The following PROM2 variants were observed in gnomAD, a reference collection of about 807,000 sequenced individuals.
PROM2 encodes the protein prominin-2.
PROM2 carries 90 observed loss-of-function variants against 110.2 expected under a neutral mutation model. That is an observed-to-expected ratio of 0.82 (90% CI 0.69 to 0.97). The LOEUF is 0.97. Among genes scored for constraint, PROM2 ranks in the 50% least tolerant of loss-of-function variants. The pLI is 0.00. For missense variants in PROM2, 1,009 were observed against 1,074.8 expected (o/e 0.94, Z 0.86); for synonymous variants, 470 against 467.8 (o/e 1.00, Z -0.06).
chr2:95,285,197 C>A (rs1402659981), intron 15 of PROM2, 82 bp downstream of exon 15: 8 of 1,397,764 alleles, frequency 5.7e-6, no homozygotes, highest in Middle Eastern at 2.6e-4. Context: ...GGGTGTGCAT[C>A]TTGCCTTGTC....
chr2:95,285,028 C>T lies in PROM2; in HGVS notation c.1788C>T (p.Asp596=), dbSNP rs1421474306. ...QSLKVDTQSL[D]LLSSAARRDL... ...TGAAAGTAGACACACAGAGCCTGGA[C>T]CTGCTGAGCTCAGCCGCCCGCCGGG... The change falls in exon 15 of 24, where the codon GAC becomes GAT. Residue 596 remains aspartate (D), a synonymous_variant. Transcript: ENST00000317620. The T allele has an allele frequency of 1.2e-6, 2 of 1,604,720 alleles. No homozygotes were observed. The highest frequency in any genetic ancestry group is 2.7e-5 in the African/African-American group (2 of 74,944).
Position 95,282,214 on chromosome 2 carries a change from G to T in PROM2, c.1716G>T (p.Leu572=). 1.2e-6 allele frequency: 2 copies of T among 1,613,490 alleles called. No homozygotes were observed. Among genetic ancestry groups the T allele is most frequent in the Non-Finnish European group, 1.7e-6 (2 of 1,179,774 alleles). Residue 572 remains leucine, a synonymous_variant, in exon 14 of 24, where the codon CTG becomes CTT. Coordinates refer to ENST00000317620, the MANE Select transcript of PROM2 (RefSeq NM_001165978.3). ...ACTCCTACGACCTGGAGGAGCACCT[G>T]GATATCAACCAGGTGAGAGAACGTT... ...LNDSYDLEEH[L]DINQYTNKLR...
In PROM2 at chr2:95,291,179, C is replaced by T. The variant is rs1367014652; in HGVS notation, c.*1966C>T. On this transcript the variant is annotated 3_prime_UTR_variant, in exon 24 of 24. Coordinates refer to ENST00000317620, the MANE Select transcript of PROM2 (RefSeq NM_001165978.3). ...GTCAGATGAGCATGCTTGAATGTAGCATGACTGCCTCTTTTTGCTTTTCCT... is the reference window on the plus strand; with the variant it reads ...GTCAGATGAGCATGCTTGAATGTAGTATGACTGCCTCTTTTTGCTTTTCCT... 6.6e-6 allele frequency: 1 copy of T among 152,032 alleles called. No homozygotes were observed. The highest frequency in any genetic ancestry group is 1.5e-5 in the Non-Finnish European group (1 of 68,002). 9.4% of individuals were successfully genotyped at this position (152,032 alleles called of 1,614,324 possible).
At chr2:95,284,449 C>A (rs1264367494) in intron 14 of PROM2, among the ~76,000 whole-genome samples, 1 of 151,758 alleles carries the variant, frequency 6.6e-6, no homozygotes, top group Non-Finnish European at 1.5e-5. Flanking sequence ...TGTGATTGTG[C>A]TATTGCCCTC....
chr2:95,281,684 C>T (rs1322345903), intron 12 of PROM2, among the ~76,000 whole-genome samples: 12 of 152,280 alleles, frequency 7.9e-5, no homozygotes, highest in Admixed American at 2.0e-4. Context: ...CGATGCTGGA[C>T]TGGGTTCTCT....
rs371145229 is a variant in PROM2, at chr2:95,288,477, T to G, written c.2335-6T>G. Reference sequence around the variant, plus strand: ...GTTGGTGAGCCGACCTCACGCCTTGTTGCAGAATGCCTTCTGGTTCTGCCT... The same window carrying G: ...GTTGGTGAGCCGACCTCACGCCTTGGTGCAGAATGCCTTCTGGTTCTGCCT... On this transcript the variant is annotated splice_region_variant and splice_polypyrimidine_tract_variant and intron_variant, in intron 21 of 23. Coordinates refer to ENST00000317620, the MANE Select transcript of PROM2 (RefSeq NM_001165978.3). 6.2e-7 allele frequency: 1 copy of G among 1,613,450 alleles called. No individual in the cohort carries two copies. Among genetic ancestry groups the G allele is most frequent in the African/African-American group, 1.3e-5 (1 of 74,936 alleles).
chr2:95,275,565 G>A lies in PROM2; in HGVS notation c.294+55G>A, dbSNP rs1391561955. 2.5e-6 allele frequency: 4 copies of A among 1,596,644 alleles called. No individual in the cohort carries two copies. The highest frequency in any genetic ancestry group is 3.4e-6 in the Non-Finnish European group (4 of 1,169,150). On this transcript the variant is annotated intron_variant, in intron 2 of 23. Coordinates refer to ENST00000317620, the MANE Select transcript of PROM2 (RefSeq NM_001165978.3). This position sits in a 1 kb window ranked among gnomAD's most constrained non-coding sequence, Gnocchi z 4.4. Reference sequence around the variant, plus strand: ...AGGGAGTTCTGGGGTGAGCAGCAGGGTGGGAGCAGAAAAGCCTTGGCTCCC... The same window carrying A: ...AGGGAGTTCTGGGGTGAGCAGCAGGATGGGAGCAGAAAAGCCTTGGCTCCC...
At chr2:95,281,166 G>T in intron 11 of PROM2, 76 bp from the exon 12 acceptor site, 1 of 1,562,806 alleles carries the variant, frequency 6.4e-7, no homozygotes, top group Non-Finnish European at 8.7e-7. Flanking sequence ...TGGCCCTGGG[G>T]TGAGGGTGGG....
rs1266758147 is a variant in PROM2, at chr2:95,276,175, C to T, written c.497+43C>T. ...GCCCGGGTAGGGCGGGCTGTGGCCC[C>T]CAGGCTCCCTCTTACCCAGCAAGCA... On this transcript the variant is annotated intron_variant, in intron 3 of 23. Transcript: ENST00000317620. This position sits in a 1 kb window ranked among gnomAD's most constrained non-coding sequence, Gnocchi z 4.6. 8.7e-6 allele frequency: 14 copies of T among 1,612,392 alleles called. No individual in the cohort carries two copies. The highest frequency in any genetic ancestry group is 1.7e-5 in the Admixed American group (1 of 59,992).
Position 95,286,481 on chromosome 2 carries a change from C to A in PROM2, c.1950C>A (p.Asp650Glu). ...QELQGLAQAQ[D>E]NSVLGQRLQE... ...TTCTGATTTTTGTATCCTTTCAGGA[C>A]AATTCTGTGCTGGGGCAGCGGCTGC... Residue 650 changes from aspartate to glutamate, a missense_variant and splice_region_variant, in exon 17 of 24, where the codon GAC becomes GAA. Asp to Glu is a conservative substitution (Grantham distance 45, BLOSUM62 2). Coordinates refer to ENST00000317620, the MANE Select transcript of PROM2 (RefSeq NM_001165978.3). 6.2e-7 allele frequency: 1 copy of A among 1,613,614 alleles called. No individual in the cohort carries two copies. The highest frequency in any genetic ancestry group is 8.5e-7 in the Non-Finnish European group (1 of 1,179,880).
chr2:95,288,394 A>G, intron 21 of PROM2, 89 bp from the exon 22 acceptor site: 2 of 1,583,486 alleles, frequency 1.3e-6, no homozygotes, highest in Non-Finnish European at 1.7e-6. Context: ...GAAGCCAGGC[A>G]TGGCCTCTGC....
Position 95,276,692 on chromosome 2 carries a change from C to T in PROM2, c.682+35C>T, listed in dbSNP as rs540266695. 6.1e-5 allele frequency: 98 copies of T among 1,608,706 alleles called. 1 individual carries two copies. In the South Asian group the frequency reaches 9.5e-4, roughly 16 times the overall value. ...TCGGGGACTGGCAGGTGGGCTGGCT[C>T]CTTCCAGGGCCCCTGCTCGGGTGCC... On this transcript the variant is annotated intron_variant, in intron 5 of 23. Transcript: ENST00000317620. The surrounding 1 kb of genome is among the most constrained non-coding windows in gnomAD (Gnocchi z 4.6).
chr2:95,276,432 C>T lies in PROM2; in HGVS notation c.618+85C>T, dbSNP rs1573445077. 4 of 1,594,224 alleles carry T rather than the reference C, an allele frequency of 2.5e-6. No individual in the cohort carries two copies. Among genetic ancestry groups the T allele is most frequent in the East Asian group, 4.5e-5 (2 of 44,610 alleles). The stretch of plus-strand genomic sequence containing the variant: ...AGAGCCGAGTGGGCCCTCGATGGCC[C>T]ATAACCAGCGCATCTGAAAGCCGCC... On this transcript the variant is annotated intron_variant, in intron 4 of 23. Transcript: ENST00000317620. This position sits in a 1 kb window ranked among gnomAD's most constrained non-coding sequence, Gnocchi z 4.6.
rs1317605018 is a variant in PROM2, at chr2:95,291,243, A to G, written c.*2030A>G. 6.6e-6 allele frequency: 1 copy of G among 151,806 alleles called. No individual in the cohort carries two copies. Among genetic ancestry groups the G allele is most frequent in the Non-Finnish European group, 1.5e-5 (1 of 67,978 alleles). 9.4% of individuals were successfully genotyped at this position (151,806 alleles called of 1,614,324 possible). The stretch of plus-strand genomic sequence containing the variant: ...TTGCTTGTTACTCATCTGTTGACCT[A>G]CCTGGGGGAAGTAGCACCCTTGCAT... On this transcript the variant is annotated 3_prime_UTR_variant, in exon 24 of 24. Coordinates refer to ENST00000317620, the MANE Select transcript of PROM2 (RefSeq NM_001165978.3).
rs1677567379 is a variant in PROM2 at position 95,289,365 on chromosome 2, T to G, written c.*152T>G. On this transcript the variant is annotated 3_prime_UTR_variant, in exon 24 of 24. Transcript: ENST00000317620. ...CCGGCTTACCTGGCCCCACCTTGCCTGCTCCTTTCCACCCCTTTCTGCTCA... is the reference window on the plus strand; with the variant it reads ...CCGGCTTACCTGGCCCCACCTTGCCGGCTCCTTTCCACCCCTTTCTGCTCA... The G allele has an allele frequency of 3.4e-6, 1 of 294,348 alleles. No homozygotes were observed. Among genetic ancestry groups the G allele is most frequent in the Non-Finnish European group, 6.5e-6 (1 of 154,226 alleles). The allele number at this position is 294,348 out of a possible 1,614,324, so 18.2% of individuals were successfully genotyped here.
chr2:95,287,121 C>T lies in PROM2; in HGVS notation c.2095-12C>T, dbSNP rs568603628. On this transcript the variant is annotated splice_polypyrimidine_tract_variant and intron_variant, in intron 18 of 23. Coordinates refer to ENST00000317620, the MANE Select transcript of PROM2 (RefSeq NM_001165978.3). ...ATGTGGGACACTGAGTTGAGGCTCTCGTCCCCTCCAGCTGGAGACCTCAGA... is the reference window on the plus strand; with the variant it reads ...ATGTGGGACACTGAGTTGAGGCTCTTGTCCCCTCCAGCTGGAGACCTCAGA... The T allele has an allele frequency of 8.1e-6, 13 of 1,612,016 alleles. No individual in the cohort carries two copies. In the East Asian group the frequency reaches 8.9e-5, roughly 11 times the overall value.
Position 95,276,678 on chromosome 2 carries a change from C to A in PROM2, c.682+21C>A. ...GGATGGTGAGGGTCTCGGGGACTGG[C>A]AGGTGGGCTGGCTCCTTCCAGGGCC... On this transcript the variant is annotated intron_variant, in intron 5 of 23. Transcript: ENST00000317620. The surrounding 1 kb of genome is among the most constrained non-coding windows in gnomAD (Gnocchi z 4.6). 1 of 1,611,926 alleles carries A rather than the reference C, an allele frequency of 6.2e-7. No individual in the cohort carries two copies. Among genetic ancestry groups the A allele is most frequent in the South Asian group, 1.1e-5 (1 of 90,964 alleles).
intron 7 of PROM2, 98 bp from the exon 8 acceptor site, chr2:95,277,832 A>G (rs1676764940): frequency 3.9e-6 from 4 of 1,031,760 alleles, no homozygotes; most frequent in Admixed American, 3.9e-5. Context: ...ACTTGAGGAC[A>G]TTGGGGTTCA....
chr2:95,283,076 ACAGTTATG>A (rs1677142940), intron 14 of PROM2, among the ~76,000 whole-genome samples: 1 of 152,184 alleles, frequency 6.6e-6, no homozygotes, highest in South Asian at 2.1e-4. Context: ...ACAACCTGGG[ACAGTTATG>A]CAGCTCACTC....
Sources: allele counts gnomAD v4.1 joint callset (sites outside exome capture counted in the v4.1 genomes callset), GRCh38; gene constraint gnomAD v4.1.1; non-coding constraint Gnocchi (gnomAD v3.1); transcripts MANE v1.5; gene names NCBI Gene and HGNC (gene_info 2026-07-23, HGNC 2026-07-21).